The following CATSPERG variants were observed in gnomAD, a reference collection of about 807,000 sequenced individuals.
The protein encoded by CATSPERG is catsper channel auxiliary subunit gamma.
A neutral mutation model predicts 145.0 loss-of-function variants in CATSPERG; 115 were observed. The ratio of observed to expected loss-of-function variants is 0.79; its 90% CI spans 0.68 to 0.93. The LOEUF (loss-of-function observed/expected upper bound fraction) is 0.93, where lower values mean the gene tolerates loss of function less well. CATSPERG is among the 40% of genes least tolerant of loss of function. The pLI is 0.00. For missense variants in CATSPERG, 1,296 were observed against 1,490.1 expected (o/e 0.87, Z 2.14); for synonymous variants, 588 against 589.0 (o/e 1.00, Z 0.02).
intron 8 of CATSPERG, among the ~76,000 whole-genome samples, chr19:38,354,065 T>G (rs1970201734): frequency 6.7e-6 from 1 of 149,428 alleles, no homozygotes; most frequent in Non-Finnish European, 1.5e-5. Context: ...GCCATCTCAG[T>G]GAGAACTGTC....
At chr19:38,356,392 T>C (rs1970242788) in intron 9 of CATSPERG, 92 bp from the exon 10 acceptor site, 5 of 1,070,216 alleles carry the variant, frequency 4.7e-6, no homozygotes, top group Non-Finnish European at 7.2e-6. Context: ...ACGGAGGGGC[T>C]GGTGGGCATA....
chr19:38,362,048 T>C (rs1970356703), intron 17 of CATSPERG, 162 bp from the exon 18 acceptor site: 2 of 954,678 alleles, frequency 2.1e-6, no homozygotes, highest in African/African-American at 1.7e-5. Context: ...GTTGGGGGTG[T>C]GGCCGGGTTG....
At chr19:38,349,527 C>A (rs2145079036) in intron 7 of CATSPERG, 1 of 152,584 alleles carries the variant, frequency 6.6e-6, no homozygotes, top group Non-Finnish European at 1.5e-5. Context: ...CCACTCCCTT[C>A]CACACTGCCC....
intron 7 of CATSPERG, among the ~76,000 whole-genome samples, chr19:38,346,967 T>C (rs1970051546): frequency 6.6e-6 from 1 of 152,144 alleles, no homozygotes; most frequent in Non-Finnish European, 1.5e-5. Flanking sequence ...TCCCAGCACT[T>C]TGGGAGGCTG....
chr19:38,358,090 C>T, intron 11 of CATSPERG, 188 bp from the exon 12 acceptor site: 1 of 610,752 alleles, frequency 1.6e-6, no homozygotes, highest in East Asian at 2.8e-5. Context: ...TGCACTCCAG[C>T]CTGGGCGACA....
Position 38,356,362 on chromosome 19 carries a change from C to T in CATSPERG, c.1136-122C>T, listed in dbSNP as rs145021126. 1.3e-4 allele frequency: 105 copies of T among 800,138 alleles called. 1 individual carries two copies. Among genetic ancestry groups the T allele is most frequent in the Admixed American group, 9.4e-4 (45 of 47,950 alleles). The allele number at this position is 800,138 out of a possible 1,614,324, so 49.6% of individuals were successfully genotyped here. The stretch of plus-strand genomic sequence containing the variant: ...AGGCCAGGTGTGAGTGACGAAAGGC[C>T]AGAGAATGAGATCCCAAGGACGGAG... On this transcript the variant is annotated intron_variant, in intron 9 of 28. Transcript: ENST00000409235.
At chr19:38,341,833 C>T (rs1300064975) in intron 3 of CATSPERG, among the ~76,000 whole-genome samples, 1 of 151,936 alleles carries the variant, frequency 6.6e-6, no homozygotes, top group Admixed American at 6.6e-5. Flanking sequence ...ACCTAGGAGG[C>T]AGAGGGTGCA....
At chr19:38,342,846 G>A (rs1373068646) in intron 3 of CATSPERG, among the ~76,000 whole-genome samples, 4 of 151,766 alleles carry the variant, frequency 2.6e-5, no homozygotes, top group South Asian at 2.1e-4. Context: ...CACTCTAAGC[G>A]CTCCCCACCC....
rs753178805 is a variant in CATSPERG at position 38,362,207 on chromosome 19, C to T, written c.2095-3C>T. On this transcript the variant is annotated splice_polypyrimidine_tract_variant and splice_region_variant and intron_variant, in intron 17 of 28. Transcript: ENST00000409235. ...CCTTCACGGTGCCGGGCGATCCCTG[C>T]AGCCGTACGCGGACCCGGTGCACGA... The T allele has an allele frequency of 3.8e-6, 6 of 1,589,500 alleles. No individual in the cohort carries two copies. The highest frequency in any genetic ancestry group is 3.6e-5 in the Admixed American group (2 of 55,862).
intron 1 of CATSPERG, chr19:38,336,269 A>G (rs1280206017): frequency 4.4e-6 from 2 of 453,614 alleles, no homozygotes; most frequent in Non-Finnish European, 8.9e-6. Context: ...CGAGGAAACA[A>G]CGAAGGGCGA....
chr19:38,337,535 G>A (rs1194320245), intron 2 of CATSPERG, 31 bp downstream of exon 2: 4 of 1,551,804 alleles, frequency 2.6e-6, no homozygotes, highest in Non-Finnish European at 3.5e-6. Flanking sequence ...TGAACCAGAG[G>A]GATTTTGAAC....
intron 11 of CATSPERG, 175 bp from the exon 12 acceptor site, chr19:38,358,103 G>T (rs749248077): frequency 1.6e-6 from 1 of 630,288 alleles, no homozygotes; most frequent in Non-Finnish European, 2.8e-6. Flanking sequence ...GGGCGACAGG[G>T]AGATCCTGTC....
Position 38,365,054 on chromosome 19 carries a change from C to T in CATSPERG, c.2557-7C>T. The T allele has an allele frequency of 6.2e-7, 1 of 1,614,050 alleles. No individual in the cohort carries two copies. The highest frequency in any genetic ancestry group is 8.5e-7 in the Non-Finnish European group (1 of 1,180,002). On this transcript the variant is annotated splice_region_variant and splice_polypyrimidine_tract_variant and intron_variant, in intron 21 of 28. Coordinates refer to ENST00000409235, the MANE Select transcript of CATSPERG (RefSeq NM_021185.5). ...GGATCACCATCTTCACCTGCTCCTA[C>T]CCACAGGTGGTGGGTTCATCCGGGC... is the stretch of plus-strand genomic sequence containing the variant.
At chr19:38,360,214 T>C (rs1262340556) in intron 14 of CATSPERG, 1 of 985,058 alleles carries the variant, frequency 1.0e-6, no homozygotes, top group Admixed American at 6.2e-5. Flanking sequence ...GTGTTAGAGA[T>C]GCTTAGGTCG....
At chr19:38,359,810 C>A in intron 14 of CATSPERG, 1 of 1,281,414 alleles carries the variant, frequency 7.8e-7, no homozygotes, top group Non-Finnish European at 1.0e-6. Context: ...AGGCGGCCCT[C>A]TTTCATCCCA....
intron 20 of CATSPERG, among the ~76,000 whole-genome samples, chr19:38,363,157 G>C (rs1461173483): frequency 6.6e-6 from 1 of 152,070 alleles, no homozygotes; most frequent in African/African-American, 2.4e-5. Flanking sequence ...TCCTGCCTCA[G>C]CCTCCCTAGT....
At chr19:38,356,886 G>A (rs1970253504) in intron 11 of CATSPERG, 25 bp downstream of exon 11, 1 of 1,612,040 alleles carries the variant, frequency 6.2e-7, no homozygotes, top group East Asian at 2.2e-5. Context: ...GCAAGGGGCT[G>A]GGCACAAAGG....
chr19:38,337,157 G>A, intron 1 of CATSPERG, 64 bp from the exon 2 acceptor site: 1 of 1,520,098 alleles, frequency 6.6e-7, no homozygotes. Flanking sequence ...AAGCGAGGTG[G>A]AATCTTAAAA....
At chr19:38,355,983 A>G (rs1317437314) in intron 9 of CATSPERG, among the ~76,000 whole-genome samples, 2 of 152,154 alleles carry the variant, frequency 1.3e-5, no homozygotes, top group Non-Finnish European at 2.9e-5. Context: ...TGGTAGTACT[A>G]GCATCTAGGT....
Sources: allele counts gnomAD v4.1 joint callset (sites outside exome capture counted in the v4.1 genomes callset), GRCh38; gene constraint gnomAD v4.1.1; transcripts MANE v1.5; gene names NCBI Gene and HGNC (gene_info 2026-07-23, HGNC 2026-07-21).